The following DPH6 variants were observed in gnomAD, a reference collection of about 807,000 sequenced individuals.
The protein encoded by DPH6 is diphthine--ammonia ligase.
Under a neutral mutation model 38.2 loss-of-function variants are expected in DPH6, and 33 were observed. The ratio of observed to expected loss-of-function variants is 0.86; its 90% CI spans 0.65 to 1.15. DPH6 has a LOEUF of 1.15. Among genes scored for constraint, DPH6 ranks in the 50% most tolerant of loss-of-function variants. DPH6 has a pLI of 0.00. For synonymous variants in DPH6, 108 were observed against 103.0 expected, an observed-to-expected ratio of 1.05 and a Z score of -0.30; for missense variants, 325 against 320.0, an observed-to-expected ratio of 1.02 and a Z score of -0.12.
At chr15:35,369,911 TCAATA>T (rs980333994), downstream of DPH6, among the ~76,000 whole-genome samples, 5 of 151,678 alleles carry the variant, frequency 3.3e-5, no homozygotes, top group Non-Finnish European at 4.4e-5. Context: ...CCCAAAATGG[TCAATA>T]CAATACGGAA....
intron 5 of DPH6, among the ~76,000 whole-genome samples, chr15:35,440,314 C>T (rs537328609): frequency 3.9e-5 from 6 of 152,354 alleles, no homozygotes; most frequent in African/African-American, 1.4e-4. Flanking sequence ...TGACTATAGT[C>T]ACCAGTTATC....
At chr15:35,165,343 G>A in the DPH6 span, among the ~76,000 whole-genome samples, 1 of 151,790 alleles carries the variant, frequency 6.6e-6, no homozygotes, top group African/African-American at 2.4e-5. Flanking sequence ...CACTTTGGTG[G>A]AACACTCTTT....
At chr15:35,213,029 C>T (rs2051395296), downstream of DPH6, among the ~76,000 whole-genome samples, 1 of 152,166 alleles carries the variant, frequency 6.6e-6, no homozygotes, top group Non-Finnish European at 1.5e-5. Context: ...TCATTTGCCT[C>T]ACTGAAAGAA....
rs762329260 is a variant in DPH6 at position 35,410,865 on chromosome 15, G to T, written c.537C>A (p.Thr179=). ...TGAGATAAGGCTCCATTTGATCCAG[G>T]GTTTTCCCAAGATGCTTATCAGGAT... ...GLDPDKHLGK[T]LDQMEPYLIE... The change falls in exon 6 of 9, where the codon ACC becomes ACA. Residue 179 remains threonine (T), a synonymous_variant. Transcript: ENST00000256538. 1 of 1,602,574 alleles carries T rather than the reference G, an allele frequency of 6.2e-7. No homozygotes were observed.
the DPH6 span, among the ~76,000 whole-genome samples, chr15:35,200,730 A>T: frequency 9.2e-5 from 14 of 151,878 alleles, no homozygotes; most frequent in Non-Finnish European, 1.6e-4. Context: ...TTCATGGATT[A>T]AAAAAAGAAA....
chr15:35,425,187 T>C (rs2141020603), intron 5 of DPH6, among the ~76,000 whole-genome samples: 1 of 151,722 alleles, frequency 6.6e-6, no homozygotes, highest in East Asian at 1.9e-4. Flanking sequence ...GGCTCTCAGC[T>C]AAGATAGTAT....
chr15:35,491,632 C>G (rs1389767892), intron 3 of DPH6, among the ~76,000 whole-genome samples: 1 of 149,760 alleles, frequency 6.7e-6, no homozygotes, highest in Non-Finnish European at 1.5e-5. Flanking sequence ...AGATTTATGT[C>G]TATATAGATC....
chr15:35,456,530 C>T (rs2053999695), intron 3 of DPH6, among the ~76,000 whole-genome samples: 1 of 151,094 alleles, frequency 6.6e-6, no homozygotes, highest in Admixed American at 6.6e-5. Context: ...CTCTGCCACC[C>T]AGGCTGGAGT....
downstream of DPH6, among the ~76,000 whole-genome samples, chr15:35,328,589 C>T (rs532791165): frequency 1.4e-4 from 21 of 151,954 alleles, no homozygotes; most frequent in Non-Finnish European, 1.9e-4. Context: ...CAAGGTACTA[C>T]GAGGAAATAA....
rs117550421 is a variant in DPH6 at position 35,433,948 on chromosome 15, G to A, written c.505+16737C>T. Among the ~76,000 whole-genome samples the A allele has an allele frequency of 5.6e-4, 86 of 152,298 alleles. No individual in the cohort carries two copies. In the East Asian group the frequency reaches 0.012, roughly 21 times the overall value. The stretch of plus-strand genomic sequence containing the variant: ...CTGTGGAAGAGAAAAGAGAAGGGAG[G>A]TAGAGATATCTTTATGTGGTTGTGA... On this transcript the variant is annotated intron_variant, in intron 5 of 8. Coordinates refer to ENST00000256538, the MANE Select transcript of DPH6 (RefSeq NM_080650.4).
At chr15:35,160,108 G>C in the DPH6 span, among the ~76,000 whole-genome samples, 1 of 151,968 alleles carries the variant, frequency 6.6e-6, no homozygotes, top group Non-Finnish European at 1.5e-5. Context: ...CACTACCTGG[G>C]TGATGGGTTC....
intron 6 of DPH6, among the ~76,000 whole-genome samples, chr15:35,409,052 A>T (rs898184676): frequency 2.0e-5 from 3 of 151,894 alleles, no homozygotes; most frequent in African/African-American, 7.2e-5. Context: ...GTTGACTGCA[A>T]GATCTCTGAG....
chr15:35,268,207 ATAAATAAAT>A (rs1389638756), intron 3 of DPH6, among the ~76,000 whole-genome samples: 6 of 150,536 alleles, frequency 4.0e-5, no homozygotes, highest in African/African-American at 1.2e-4. Context: ...AAATAAATAA[ATAAATAAAT>A]AAAAGAAAAC....
At chr15:35,246,910 C>G (rs1370454685) in intron 3 of DPH6, among the ~76,000 whole-genome samples, 1 of 151,982 alleles carries the variant, frequency 6.6e-6, no homozygotes, top group Non-Finnish European at 1.5e-5. Context: ...CTGTGTAGAT[C>G]TTCCGTAAGA....
intron 3 of DPH6, among the ~76,000 whole-genome samples, chr15:35,332,284 A>C (rs2052332263): frequency 6.6e-6 from 1 of 152,202 alleles, no homozygotes; most frequent in African/African-American, 2.4e-5. Context: ...AAATTAATGA[A>C]AAAATTAGGC....
At chr15:35,205,181 C>A in the DPH6 span, among the ~76,000 whole-genome samples, 1 of 151,944 alleles carries the variant, frequency 6.6e-6, no homozygotes, top group East Asian at 1.9e-4. Flanking sequence ...TAGAATATTT[C>A]AAATTCCATA....
intron 3 of DPH6, among the ~76,000 whole-genome samples, chr15:35,278,568 G>C (rs2051874620): frequency 6.6e-6 from 1 of 152,152 alleles, no homozygotes; most frequent in East Asian, 1.9e-4. Flanking sequence ...AGTAAGAAGG[G>C]GGCCACTGCC....
chr15:35,194,369 CAGAGAGAGAGAGAGAG>C, the DPH6 span, among the ~76,000 whole-genome samples: 2 of 144,756 alleles, frequency 1.4e-5, no homozygotes, highest in East Asian at 4.1e-4. Context: ...TTCCTTTTTC[CAGAGAGAGAGAGAGAG>C]AGAGAGAGAG....
rs2052715213 is a variant in DPH6, at chr15:35,371,727, T to G, written c.*423A>C. The G allele has an allele frequency of 1.0e-6, 1 of 987,454 alleles. No homozygotes were observed. The highest frequency in any genetic ancestry group is 1.2e-6 in the Non-Finnish European group (1 of 831,602). 61.2% of individuals were successfully genotyped at this position (987,454 alleles called of 1,614,324 possible). The stretch of plus-strand genomic sequence containing the variant: ...TTGGCGACACCCAGTAGAATAAGCT[T>G]GACTGGCTAAATAAAGTGACCATCT... On this transcript the variant is annotated 3_prime_UTR_variant, in exon 9 of 9. Coordinates refer to ENST00000256538, the MANE Select transcript of DPH6 (RefSeq NM_080650.4).
Sources: gnomAD v4.1 joint callset for allele counts (sites outside exome capture counted in the v4.1 genomes callset) on GRCh38, gnomAD v4.1.1 for gene constraint, MANE v1.5 for transcripts, NCBI Gene and HGNC (gene_info 2026-07-23, HGNC 2026-07-21) for gene names.